The following ATP7A variants were observed in gnomAD, a reference collection of about 807,000 sequenced individuals.
ATP7A encodes ATPase copper transporting alpha, also known as copper-transporting ATPase 1.
In ATP7A, 7 loss-of-function variants were observed where a neutral mutation model predicts 83.5. The observed-to-expected ratio is 0.08, with a 90% CI of 0.05 to 0.16. The LOEUF is 0.16. Ranked by LOEUF, ATP7A falls within the 10% of genes least tolerant of loss-of-function variation. The probability of loss-of-function intolerance (pLI) is 1.00; values close to 1 mark genes in which losing one functional copy is unlikely to be tolerated. For synonymous variants in ATP7A, 354 were observed against 395.2 expected (o/e 0.90, Z 1.24); for missense variants, 940 against 1,120.8 (o/e 0.84, Z 2.30).
intron 2 of ATP7A, among the ~76,000 whole-genome samples, chrX:77,971,987 T>A (rs1361360031): frequency 8.9e-6 from 1 of 111,735 alleles, no homozygotes; most frequent in Non-Finnish European, 1.9e-5. Context: ...AATCTTGATA[T>A]TGTGGTTGTA....
chrX:77,963,483 G>A (rs1040034196), intron 1 of ATP7A: 6 of 112,342 alleles, frequency 5.3e-5, no homozygotes, highest in Admixed American at 1.9e-4. Flanking sequence ...CTCTAAAAAT[G>A]TATGAATCAG....
rs1246267330 is a variant in ATP7A at position 78,048,686 on chromosome X, T to A, written c.*2116T>A. On this transcript the variant is annotated 3_prime_UTR_variant, in exon 23 of 23. Coordinates refer to ENST00000341514, the MANE Select transcript of ATP7A (RefSeq NM_000052.7). ...TCACTGAAATATCAATGGGTTTGCA[T>A]ATCTAGGCCCTTTTTTTAGACCAAT... 1 of 112,159 alleles carries A rather than the reference T, an allele frequency of 8.9e-6. No homozygotes were observed. Among genetic ancestry groups the A allele is most frequent in the African/African-American group, 3.2e-5 (1 of 30,771 alleles). The allele number at this position is 112,159 out of a possible 1,213,427, so 9.2% of individuals were successfully genotyped here.
Position 77,989,646 on chromosome X carries a change from C to A in ATP7A, c.1024C>A (p.Leu342Ile). The A allele has an allele frequency of 8.3e-7, 1 of 1,211,239 alleles. No homozygotes were observed. The highest frequency in any genetic ancestry group is 1.1e-6 in the Non-Finnish European group (1 of 895,094). ...RKAIEAVSPG[L>I]YRVSITSEVE... ...AGCAATAGAGGCTGTATCACCGGGG[C>A]TATATAGAGTTAGTATCACAAGTGA... Residue 342 changes from leucine to isoleucine, a missense_variant, in exon 4 of 23, where the codon CTA (leucine) becomes ATA (isoleucine). By Grantham distance (5) the Leu-to-Ile change is conservative. Coordinates refer to ENST00000341514, the MANE Select transcript of ATP7A (RefSeq NM_000052.7).
intron 4 of ATP7A, among the ~76,000 whole-genome samples, chrX:77,991,600 G>T (rs782555483): frequency 9.0e-6 from 1 of 111,481 alleles, no homozygotes; most frequent in South Asian, 3.8e-4. Context: ...GAGTGGAATT[G>T]CTGGGTCACA....
intron 4 of ATP7A, among the ~76,000 whole-genome samples, chrX:77,994,706 AT>A (rs1341307486): frequency 9.1e-6 from 1 of 110,118 alleles, no homozygotes; most frequent in Non-Finnish European, 1.9e-5. Flanking sequence ...CACCCGGCTA[AT>A]TTTTTTCTAT....
chrX:77,969,269 G>T (rs1557229249), intron 1 of ATP7A: 5 of 1,211,922 alleles, frequency 4.1e-6, no homozygotes, highest in Non-Finnish European at 5.6e-6. Context: ...TCCATCGGAG[G>T]TGGTGGGACA....
intron 1 of ATP7A, among the ~76,000 whole-genome samples, chrX:77,912,264 G>T (rs1286565414): frequency 1.8e-5 from 2 of 111,584 alleles, no homozygotes; most frequent in African/African-American, 3.3e-5. Context: ...TTATGAGAGT[G>T]CAGGGAAGGG....
intron 1 of ATP7A, among the ~76,000 whole-genome samples, 191 bp downstream of exon 1, chrX:77,911,026 T>C (rs1290484770): frequency 8.9e-6 from 1 of 111,948 alleles, no homozygotes; most frequent in African/African-American, 3.3e-5. Flanking sequence ...GGAGGGGAAA[T>C]TAAATCCTGA....
intron 1 of ATP7A, among the ~76,000 whole-genome samples, chrX:77,919,240 C>T (rs2077199206): frequency 1.8e-5 from 2 of 111,779 alleles, no homozygotes; most frequent in Non-Finnish European, 3.8e-5. Context: ...GGACAAATTA[C>T]TTTGTGCTCT....
chrX:78,046,430 C>T lies in ATP7A; in HGVS notation c.4363C>T (p.Arg1455Trp), dbSNP rs1457236338. 11 of 1,209,390 alleles carry T rather than the reference C, an allele frequency of 9.1e-6. No individual in the cohort carries two copies. The highest frequency in any genetic ancestry group is 1.2e-5 in the Non-Finnish European group (11 of 895,069). ...RNSPKLGLLDRIVNYSRASIN... is the reference protein window; with the variant it reads ...RNSPKLGLLDWIVNYSRASIN... ...TTCTCCTAAACTGGGTTTGCTGGAC[C>T]GGATTGTTAATTATAGCAGAGCCTC... Residue 1455 changes from arginine (R) to tryptophan (W), a missense_variant, in exon 23 of 23, where the codon CGG (arginine) becomes TGG (tryptophan). Arg to Trp is a moderately radical substitution (Grantham distance 101, BLOSUM62 -3). Coordinates refer to ENST00000341514, the MANE Select transcript of ATP7A (RefSeq NM_000052.7).
chrX:78,009,233 T>C lies in ATP7A; in HGVS notation c.1839T>C (p.Ile613=). 1 of 1,208,275 alleles carries C rather than the reference T, an allele frequency of 8.3e-7. No individual in the cohort carries two copies. The highest frequency in any genetic ancestry group is 1.8e-5 in the South Asian group (1 of 56,725). The change falls in exon 7 of 23, where the codon ATT becomes ATC. Residue 613 remains isoleucine (I), a synonymous_variant. Coordinates refer to ENST00000341514, the MANE Select transcript of ATP7A (RefSeq NM_000052.7). Reference sequence around the variant, plus strand: ...ATATTAAATATGACCCAGAAATTATTGGTCCTAGAGATATTATCCATACAA... The same window carrying C: ...ATATTAAATATGACCCAGAAATTATCGGTCCTAGAGATATTATCCATACAA... The part of the protein sequence containing the change: ...KAHIKYDPEI[I]GPRDIIHTIE...
chrX:77,912,056 G>A (rs1557221979), intron 1 of ATP7A, among the ~76,000 whole-genome samples: 1 of 112,417 alleles, frequency 8.9e-6, no homozygotes, highest in South Asian at 3.6e-4. Context: ...TGAATTACTA[G>A]GTTGCTTATC....
chrX:77,985,806 A>C (rs1557231331), intron 2 of ATP7A, among the ~76,000 whole-genome samples: 4 of 109,272 alleles, frequency 3.7e-5, no homozygotes. Context: ...CCCCTAAAAA[A>C]CTCCCTCTTG....
chrX:77,974,475 A>G (rs782352202), intron 2 of ATP7A, among the ~76,000 whole-genome samples: 29 of 110,594 alleles, frequency 2.6e-4, no homozygotes, highest in Admixed American at 4.9e-4. Flanking sequence ...TGTAGTCTGT[A>G]TATCTTTTTT....
At chrX:77,948,587 T>C (rs1316028164) in intron 1 of ATP7A, among the ~76,000 whole-genome samples, 1 of 112,205 alleles carries the variant, frequency 8.9e-6, no homozygotes, top group African/African-American at 3.2e-5. Flanking sequence ...ACTTAAAGAA[T>C]AGCAGCAAAA....
At chrX:77,988,844 C>A in intron 3 of ATP7A, 113 bp downstream of exon 3, 1 of 952,409 alleles carries the variant, frequency 1.0e-6, no homozygotes, top group Non-Finnish European at 1.5e-6. Context: ...AGAGTGCTTG[C>A]TGTATCATTG....
intron 1 of ATP7A, among the ~76,000 whole-genome samples, chrX:77,928,145 A>G (rs1187031127): frequency 1.8e-5 from 2 of 109,990 alleles, no homozygotes; most frequent in Non-Finnish European, 1.9e-5. Context: ...AATTTTTTGT[A>G]GGGACAGGGT....
At chrX:77,915,866 G>A (rs77052627) in intron 1 of ATP7A, among the ~76,000 whole-genome samples, 4 of 111,636 alleles carry the variant, frequency 3.6e-5, no homozygotes, top group African/African-American at 9.7e-5. Context: ...GGTTACAGGC[G>A]TGTGCCACCA....
intron 12 of ATP7A, among the ~76,000 whole-genome samples, chrX:78,018,056 G>C (rs1457531841): frequency 9.4e-6 from 1 of 106,514 alleles, no homozygotes; most frequent in Non-Finnish European, 1.9e-5. Context: ...GATTACAGGC[G>C]TGAGCCACCG....
Sources: gnomAD v4.1 joint callset for allele counts (sites outside exome capture counted in the v4.1 genomes callset) on GRCh38, gnomAD v4.1.1 for gene constraint, MANE v1.5 for transcripts, NCBI Gene and HGNC (gene_info 2026-07-23, HGNC 2026-07-21) for gene names.